SEMA5A: variants seen among roughly 807,000 people sequenced by gnomAD.
SEMA5A encodes semaphorin-5A.
In SEMA5A, 55 loss-of-function variants were observed where a neutral mutation model predicts 135.5. That is an observed-to-expected ratio of 0.41 (90% CI 0.33 to 0.51). SEMA5A has a LOEUF of 0.51. SEMA5A is among the 20% of genes least tolerant of loss of function. The probability of loss-of-function intolerance (pLI) is 0.37; values close to 1 mark genes in which losing one functional copy is unlikely to be tolerated. For missense variants in SEMA5A, 1,290 were observed against 1,419.9 expected, an observed-to-expected ratio of 0.91 and a Z score of 1.47; for synonymous variants, 580 against 546.5, an observed-to-expected ratio of 1.06 and a Z score of -0.85.
chr5:9,138,015 A>T (rs949762392), intron 12 of SEMA5A, among the ~76,000 whole-genome samples: 2 of 152,230 alleles, frequency 1.3e-5, no homozygotes, highest in African/African-American at 4.8e-5. Flanking sequence ...TTTACAGTTG[A>T]TAAATCTACT....
chr5:9,265,638 T>A, intron 5 of SEMA5A: 1 of 434,956 alleles, frequency 2.3e-6, no homozygotes, highest in South Asian at 1.6e-5. Flanking sequence ...GGGCAAGGGA[T>A]CCCTCCCTCA....
intron 6 of SEMA5A, among the ~76,000 whole-genome samples, chr5:9,235,462 T>C (rs1747849229): frequency 6.6e-6 from 1 of 152,174 alleles, no homozygotes; most frequent in Non-Finnish European, 1.5e-5. Flanking sequence ...ATGATGAAGA[T>C]GAGAAACCCT....
intron 16 of SEMA5A, among the ~76,000 whole-genome samples, chr5:9,080,782 C>T (rs1738335334): frequency 6.6e-6 from 1 of 152,098 alleles, no homozygotes; most frequent in African/African-American, 2.4e-5. Context: ...TCACCTGCAC[C>T]CTGACTCCTT....
chr5:9,531,202 G>A (rs1158441467), intron 1 of SEMA5A, among the ~76,000 whole-genome samples: 2 of 152,288 alleles, frequency 1.3e-5, no homozygotes, highest in Admixed American at 1.3e-4. Flanking sequence ...CCCAGAACAA[G>A]GTCCTAGAGA....
At chr5:9,234,531 C>T (rs1747799999) in intron 6 of SEMA5A, among the ~76,000 whole-genome samples, 1 of 152,202 alleles carries the variant, frequency 6.6e-6, no homozygotes, top group African/African-American at 2.4e-5. Flanking sequence ...CCAATGCACA[C>T]AGCTCTGCTA....
chr5:9,483,497 T>C (rs983845851), intron 1 of SEMA5A, among the ~76,000 whole-genome samples: 4 of 152,200 alleles, frequency 2.6e-5, no homozygotes, highest in African/African-American at 9.7e-5. Flanking sequence ...AAGCTCTGCA[T>C]GCATAAAGAG....
intron 2 of SEMA5A, among the ~76,000 whole-genome samples, chr5:9,393,421 T>C (rs541710173): frequency 6.6e-6 from 1 of 152,280 alleles, no homozygotes; most frequent in South Asian, 2.1e-4. Flanking sequence ...CTGCCTCCAA[T>C]GCTAGTTTAG....
At chr5:9,210,201 C>T (rs1746266849) in intron 8 of SEMA5A, among the ~76,000 whole-genome samples, 1 of 152,200 alleles carries the variant, frequency 6.6e-6, no homozygotes, top group African/African-American at 2.4e-5. Flanking sequence ...AAATTAAAAT[C>T]TAAAGGTAGT....
intron 8 of SEMA5A, among the ~76,000 whole-genome samples, chr5:9,216,885 C>T (rs28788795): frequency 1.4e-4 from 22 of 152,224 alleles, no homozygotes; most frequent in African/African-American, 5.3e-4. Context: ...CTTCATGTGA[C>T]ACAGGTCTCT....
intron 16 of SEMA5A, among the ~76,000 whole-genome samples, chr5:9,077,776 C>T (rs907934726): frequency 6.6e-5 from 10 of 152,176 alleles, no homozygotes; most frequent in African/African-American, 1.7e-4. Flanking sequence ...TTTGAATGGC[C>T]GCATTCACTT....
chr5:9,071,616 C>A (rs974799528), intron 16 of SEMA5A, among the ~76,000 whole-genome samples: 1 of 152,020 alleles, frequency 6.6e-6, no homozygotes, highest in Non-Finnish European at 1.5e-5. Flanking sequence ...GTTTATTTTT[C>A]CCTTGAGAAA....
At chr5:9,200,942 C>A (rs999873003) in intron 9 of SEMA5A, among the ~76,000 whole-genome samples, 1 of 152,200 alleles carries the variant, frequency 6.6e-6, no homozygotes, top group Non-Finnish European at 1.5e-5. Context: ...ACAGGGCTGT[C>A]ATCAATGCTA....
intron 1 of SEMA5A, chr5:9,516,682 G>A (rs1215946609): frequency 6.6e-6 from 1 of 152,216 alleles, no homozygotes. Flanking sequence ...TGGAACCCCA[G>A]AAGAGGGAAG....
chr5:9,127,271 T>C (rs191712386), intron 13 of SEMA5A, among the ~76,000 whole-genome samples: 2 of 152,194 alleles, frequency 1.3e-5, no homozygotes, highest in East Asian at 3.9e-4. Context: ...GCTATGGAGG[T>C]CAAAGCAGTT....
chr5:9,077,417 A>C (rs966419942), intron 16 of SEMA5A, among the ~76,000 whole-genome samples: 10 of 152,346 alleles, frequency 6.6e-5, no homozygotes, highest in Non-Finnish European at 1.0e-4. Flanking sequence ...CACTACTCTT[A>C]CTAGTCATAG....
At chr5:9,262,753 G>A (rs996310168) in intron 5 of SEMA5A, among the ~76,000 whole-genome samples, 5 of 98,628 alleles carry the variant, frequency 5.1e-5, no homozygotes, top group Admixed American at 1.1e-4. Flanking sequence ...TGGTGGGGTC[G>A]GGGGAGGGGG....
rs1287291273 is a variant in SEMA5A, at chr5:9,234,717, G to A, written c.333+3111C>T. 2.0e-5 allele frequency among the ~76,000 whole-genome samples: 3 copies of A among 152,276 alleles called. No homozygotes were observed. The East Asian group carries it at 5.8e-4, about 29-fold the overall frequency. On this transcript the variant is annotated intron_variant, in intron 6 of 22. Coordinates refer to ENST00000382496, the MANE Select transcript of SEMA5A (RefSeq NM_003966.3). ...AGTGTTAAAAAATCCATTCACAAAT[G>A]CGGTTTGAGTCAATTAATAATTACT...
chr5:9,440,224 G>C (rs1488774176), intron 1 of SEMA5A, among the ~76,000 whole-genome samples: 1 of 152,214 alleles, frequency 6.6e-6, no homozygotes, highest in African/African-American at 2.4e-5. Context: ...CTCCCAGCAA[G>C]GTCATAAATT....
Position 9,431,971 on chromosome 5 carries a change from C to T in SEMA5A, c.-78+5785G>A, listed in dbSNP as rs546696352. 1.1e-4 allele frequency among the ~76,000 whole-genome samples: 16 copies of T among 152,314 alleles called. No homozygotes were observed. In the East Asian group the frequency reaches 2.9e-3, roughly 28 times the overall value. On this transcript the variant is annotated intron_variant, in intron 2 of 22. Transcript: ENST00000382496. ...GCTGGTGACCTTCAGGAAGATAACA[C>T]ACTTGGCAGACATTCACCTAAACAA... is the stretch of plus-strand genomic sequence containing the variant.
Sources: allele counts gnomAD v4.1 joint callset (sites outside exome capture counted in the v4.1 genomes callset), GRCh38; gene constraint gnomAD v4.1.1; transcripts MANE v1.5; gene names NCBI Gene and HGNC (gene_info 2026-07-23, HGNC 2026-07-21).